Variants in ZFHX3 observed in about 807,000 individuals in gnomAD.
ZFHX3 encodes zinc finger homeobox protein 3.
Under a neutral mutation model 279.1 loss-of-function variants are expected in ZFHX3, and 42 were observed. The observed-to-expected ratio is 0.15, with a 90% CI of 0.12 to 0.19. The LOEUF is 0.19. Ranked by LOEUF, ZFHX3 falls within the 10% of genes least tolerant of loss-of-function variation. ZFHX3 has a pLI of 1.00. For missense variants in ZFHX3, 4,981 were observed against 4,754.0 expected, an observed-to-expected ratio of 1.05 and a Z score of -1.40; for synonymous variants, 2,293 against 1,957.8, an observed-to-expected ratio of 1.17 and a Z score of -4.52.
chr16:72,896,462 C>T (rs984300141), intron 3 of ZFHX3, among the ~76,000 whole-genome samples: 3 of 152,040 alleles, frequency 2.0e-5, no homozygotes, highest in East Asian at 1.9e-4. Context: ...AAGGGGCTGG[C>T]GCGTAACACC....
intron 1 of ZFHX3, among the ~76,000 whole-genome samples, chr16:73,035,837 GA>G (rs1488169917): frequency 6.6e-6 from 1 of 152,226 alleles, no homozygotes; most frequent in Non-Finnish European, 1.5e-5. Context: ...CCAGGAGGAG[GA>G]AGGCACAGTG....
At chr16:72,957,159 A>G (rs1961288571) in intron 2 of ZFHX3, among the ~76,000 whole-genome samples, 2 of 152,254 alleles carry the variant, frequency 1.3e-5, no homozygotes, top group Non-Finnish European at 2.9e-5. Flanking sequence ...ATGGGAACAG[A>G]AAACTAGAGG....
At position 73,047,906 on chromosome 16, in the gene ZFHX3, A is replaced by G. The variant is rs1206026243; in HGVS notation, c.-204T>C. Reference sequence around the variant, plus strand: ...ATGCTCCCCACCTCCCGCTGGCCCCAGGACTCGGAGGTGGCTCTGGTCAGG... The same window carrying G: ...ATGCTCCCCACCTCCCGCTGGCCCCGGGACTCGGAGGTGGCTCTGGTCAGG... On this transcript the variant is annotated 5_prime_UTR_variant, in exon 1 of 10. Coordinates refer to ENST00000268489, the MANE Select transcript of ZFHX3 (RefSeq NM_006885.4). The G allele has an allele frequency of 2.6e-5, 4 of 152,220 alleles. No homozygotes were observed. Among genetic ancestry groups the G allele is most frequent in the Admixed American group, 2.6e-4 (4 of 15,286 alleles). The allele number at this position is 152,220 out of a possible 1,614,324, so 9.4% of individuals were successfully genotyped here.
chr16:73,392,649 A>G (rs1176062254), intron 3 of ZFHX3, among the ~76,000 whole-genome samples: 6 of 152,090 alleles, frequency 3.9e-5, no homozygotes, highest in South Asian at 2.1e-4. Context: ...AGTAACTTTG[A>G]TAACAGTAAA....
In ZFHX3 at chr16:72,787,634, G is replaced by A. The variant is rs754638782; in HGVS notation, c.10642C>T (p.Leu3548Phe). The change falls in exon 10 of 10, where the codon CTC becomes TTC. Residue 3548 changes from leucine to phenylalanine, a missense_variant. Coordinates refer to ENST00000268489, the MANE Select transcript of ZFHX3 (RefSeq NM_006885.4). ...CTGTGTTTGTGCAAGGCCGACTCGA[G>A]ATGTTGACTCAGAGCTTCCTCCCCA... is the stretch of plus-strand genomic sequence containing the variant. ...LCGEEALSQH[L>F]ESALHKHRTI... 9 of 1,612,338 alleles carry A rather than the reference G, an allele frequency of 5.6e-6. No homozygotes were observed. The highest frequency in any genetic ancestry group is 7.6e-6 in the Non-Finnish European group (9 of 1,179,106).
At chr16:73,677,703 G>C (rs900421046) in intron 2 of ZFHX3, among the ~76,000 whole-genome samples, 1 of 151,858 alleles carries the variant, frequency 6.6e-6, no homozygotes, top group Non-Finnish European at 1.5e-5. Context: ...CATCAAACTT[G>C]ATTCAAATAG....
chr16:73,005,338 T>C (rs1203921685), intron 1 of ZFHX3, among the ~76,000 whole-genome samples: 1 of 151,054 alleles, frequency 6.6e-6, no homozygotes, highest in African/African-American at 2.4e-5. Flanking sequence ...CTACTAAAAA[T>C]ACAAAAATTA....
At chr16:73,832,887 G>A (rs140551714) in intron 1 of ZFHX3, among the ~76,000 whole-genome samples, 51 of 152,232 alleles carry the variant, frequency 3.4e-4, no homozygotes, top group Middle Eastern at 3.4e-3. Context: ...GCTGATAAGT[G>A]TCAGAAATTT....
At chr16:73,248,771 T>G (rs1389431315) in intron 5 of ZFHX3, among the ~76,000 whole-genome samples, 5 of 152,276 alleles carry the variant, frequency 3.3e-5, no homozygotes, top group African/African-American at 1.2e-4. Context: ...ACCACATGAG[T>G]AACGTCAAAG....
At chr16:72,934,611 C>A (rs2144314308) in intron 3 of ZFHX3, among the ~76,000 whole-genome samples, 1 of 152,298 alleles carries the variant, frequency 6.6e-6, no homozygotes, top group Non-Finnish European at 1.5e-5. Context: ...GCTTGCCCCT[C>A]CCTCCCAGAG....
chr16:72,914,396 C>T (rs2039390534), intron 3 of ZFHX3, among the ~76,000 whole-genome samples: 2 of 152,202 alleles, frequency 1.3e-5, no homozygotes, highest in African/African-American at 4.8e-5. Context: ...ACTCCCATCT[C>T]AGCCCCTATC....
At chr16:73,391,537 A>T (rs777392188) in intron 3 of ZFHX3, among the ~76,000 whole-genome samples, 1 of 152,158 alleles carries the variant, frequency 6.6e-6, no homozygotes, top group Non-Finnish European at 1.5e-5. Context: ...TTATGACTTT[A>T]GGGAATTTTA....
intron 2 of ZFHX3, among the ~76,000 whole-genome samples, chr16:73,481,566 C>A (rs2143626586): frequency 1.3e-5 from 2 of 152,230 alleles, no homozygotes; most frequent in East Asian, 3.9e-4. Context: ...TCCAGAGTAG[C>A]TGGGACCACA....
intron 1 of ZFHX3, among the ~76,000 whole-genome samples, chr16:72,989,842 T>G (rs1266884922): frequency 3.3e-5 from 5 of 152,178 alleles, no homozygotes; most frequent in Non-Finnish European, 7.3e-5. Context: ...GAGTTATATG[T>G]GGGGAAGTGG....
intron 2 of ZFHX3, among the ~76,000 whole-genome samples, chr16:73,628,488 GGAC>G (rs1217351198): frequency 2.0e-5 from 3 of 152,076 alleles, no homozygotes; most frequent in African/African-American, 7.2e-5. Context: ...GGAAGGTAAG[GGAC>G]TTGAACCATT....
intron 1 of ZFHX3, among the ~76,000 whole-genome samples, chr16:72,982,575 A>C (rs2144545813): frequency 1.3e-5 from 2 of 152,318 alleles, no homozygotes; most frequent in South Asian, 4.1e-4. Context: ...CATTGATCAC[A>C]CCTCAGTGGA....
chr16:72,984,273 T>C (rs1408653831), intron 1 of ZFHX3, among the ~76,000 whole-genome samples: 1 of 152,194 alleles, frequency 6.6e-6, no homozygotes, highest in African/African-American at 2.4e-5. Context: ...GTCTATCTAC[T>C]GCCTCTTCCT....
At chr16:72,956,748 C>A (rs866588686) in intron 2 of ZFHX3, among the ~76,000 whole-genome samples, 4 of 118,938 alleles carry the variant, frequency 3.4e-5, no homozygotes, top group Admixed American at 9.7e-5. Flanking sequence ...ATCTCTCACA[C>A]CCCTCACAAC....
chr16:73,819,216 A>G (rs1960665989), intron 1 of ZFHX3, among the ~76,000 whole-genome samples: 1 of 151,788 alleles, frequency 6.6e-6, no homozygotes, highest in South Asian at 2.1e-4. Context: ...GCCAGAACCA[A>G]GATTTCTCAG....
Sources: gnomAD v4.1 joint callset for allele counts (sites outside exome capture counted in the v4.1 genomes callset) on GRCh38, gnomAD v4.1.1 for gene constraint, MANE v1.5 for transcripts, NCBI Gene and HGNC (gene_info 2026-07-23, HGNC 2026-07-21) for gene names.